The following MCC variants were observed in gnomAD, a reference collection of about 807,000 sequenced individuals.
MCC encodes colorectal mutant cancer protein.
In MCC, 90 loss-of-function variants were observed where a neutral mutation model predicts 116.2. The observed-to-expected ratio is 0.77, with a 90% CI of 0.65 to 0.92. The LOEUF (loss-of-function observed/expected upper bound fraction) is 0.92, where lower values mean the gene tolerates loss of function less well. MCC is among the 40% of genes least tolerant of loss of function. The probability of loss-of-function intolerance (pLI) is 0.00; values close to 1 mark genes in which losing one functional copy is unlikely to be tolerated. For missense variants in MCC, 1,516 were observed against 1,312.2 expected, an observed-to-expected ratio of 1.16 and a Z score of -2.40; for synonymous variants, 578 against 510.5, an observed-to-expected ratio of 1.13 and a Z score of -1.78.
At position 113,434,830 on chromosome 5, in the gene MCC, C is replaced by T. The variant is rs200485378; in HGVS notation, c.171-49618G>A. ...TAGCCTCGTCGCTTGAGGACAGCAG[C>T]GTCATCCATGGTGCCAGGAATGCCC... On this transcript the variant is annotated intron_variant, in intron 1 of 18. Coordinates refer to ENST00000408903, the MANE Select transcript of MCC (RefSeq NM_001085377.2). The surrounding 1 kb of genome is among the most constrained non-coding windows in gnomAD (Gnocchi z 4.2). 3.6e-4 allele frequency: 586 copies of T among 1,606,794 alleles called. No individual in the cohort carries two copies. Among genetic ancestry groups the T allele is most frequent in the Middle Eastern group, 5.1e-4 (3 of 5,902 alleles).
At chr5:113,131,918 C>T (rs906749992) in intron 5 of MCC, among the ~76,000 whole-genome samples, 1 of 152,128 alleles carries the variant, frequency 6.6e-6, no homozygotes, top group African/African-American at 2.4e-5. Flanking sequence ...TCTTTAGCTA[C>T]TCAGTGACCA....
intron 2 of MCC, among the ~76,000 whole-genome samples, chr5:113,342,111 T>C (rs891048682): frequency 1.3e-5 from 2 of 152,152 alleles, no homozygotes; most frequent in African/African-American, 4.8e-5. Flanking sequence ...CATTCCTGAG[T>C]TACTTCACTT....
intron 3 of MCC, among the ~76,000 whole-genome samples, chr5:113,220,310 C>G (rs1023084249): frequency 3.3e-5 from 5 of 151,832 alleles, no homozygotes; most frequent in Admixed American, 3.3e-4. Flanking sequence ...CCACCCACCT[C>G]GGCCTCCTAA....
In MCC at chr5:113,085,170, G is replaced by A. The variant is rs763704088; in HGVS notation, c.1539C>T (p.Ile513=). 8.7e-6 allele frequency: 14 copies of A among 1,614,058 alleles called. No individual in the cohort carries two copies. The highest frequency in any genetic ancestry group is 1.7e-5 in the Admixed American group (1 of 60,002). Residue 513 remains isoleucine, a synonymous_variant, in exon 9 of 19, where the codon ATC becomes ATT. Transcript: ENST00000408903. ...TCCATCCCCAGGAACTCACCTTGGC[G>A]ATGGGAATGTCATTGCTGCTGCTGC... ...STSSSSNDIP[I]AKIAERVKLS...
chr5:113,488,369 CGCT>C lies in MCC; in HGVS notation c.43_45del (p.Ser15del), dbSNP rs761993749. On this transcript the variant is annotated inframe_deletion, in exon 1 of 19. Coordinates refer to ENST00000408903, the MANE Select transcript of MCC (RefSeq NM_001085377.2). ...CTGCCGCTGCCGCCGCCGCCGCCGC[CGCT>C]GCTGGAGCTCCCCGCAGCCGCTGCC... 11 of 1,511,312 alleles carry C rather than the reference CGCT, an allele frequency of 7.3e-6. No individual in the cohort carries two copies. The South Asian group carries it at 7.6e-5, about 10-fold the overall frequency. 93.6% of individuals were successfully genotyped at this position (1,511,312 alleles called of 1,614,324 possible).
chr5:113,467,636 C>T (rs1771950682), intron 1 of MCC, among the ~76,000 whole-genome samples: 1 of 152,094 alleles, frequency 6.6e-6, no homozygotes, highest in South Asian at 2.1e-4. Flanking sequence ...CAGCTTTGTT[C>T]TTTTGGCTTA....
intron 5 of MCC, among the ~76,000 whole-genome samples, chr5:113,140,640 CAAT>C (rs1759122056): frequency 6.6e-6 from 1 of 152,130 alleles, no homozygotes. Flanking sequence ...TTTCCTTAAG[CAAT>C]TCAGGATAGC....
chr5:113,385,676 G>A (rs770895455), intron 1 of MCC, among the ~76,000 whole-genome samples: 1 of 152,192 alleles, frequency 6.6e-6, no homozygotes, highest in Non-Finnish European at 1.5e-5. Context: ...CAGCTTTCTG[G>A]ACCAATCAGC....
intron 3 of MCC, among the ~76,000 whole-genome samples, chr5:113,217,444 A>T (rs531559953): frequency 4.6e-5 from 7 of 152,266 alleles, no homozygotes; most frequent in Admixed American, 3.9e-4. Flanking sequence ...TACTGCAAAG[A>T]TATTATTTTC....
At chr5:113,264,135 T>C (rs992258690) in intron 3 of MCC, among the ~76,000 whole-genome samples, 1 of 152,198 alleles carries the variant, frequency 6.6e-6, no homozygotes, top group Admixed American at 6.5e-5. Context: ...GAGGTAAATA[T>C]CCACTAAAAA....
intron 3 of MCC, among the ~76,000 whole-genome samples, chr5:113,208,354 C>G (rs562282755): frequency 7.2e-5 from 11 of 152,230 alleles, no homozygotes; most frequent in African/African-American, 2.2e-4. Flanking sequence ...AAGACTGATT[C>G]CTTTCTACAG....
At chr5:113,374,743 C>T (rs970007666) in intron 2 of MCC, among the ~76,000 whole-genome samples, 1 of 152,062 alleles carries the variant, frequency 6.6e-6, no homozygotes, top group African/African-American at 2.4e-5. Flanking sequence ...TAAATCCCAG[C>T]ACTTTGGGAG....
intron 4 of MCC, among the ~76,000 whole-genome samples, chr5:113,146,878 A>G (rs1448410905): frequency 6.6e-6 from 1 of 152,120 alleles, no homozygotes; most frequent in East Asian, 1.9e-4. Flanking sequence ...CCCATATTCA[A>G]TTTTTGACTG....
At position 113,101,778 on chromosome 5, in the gene MCC, C is replaced by G. The variant is rs1756428292; in HGVS notation, c.1359G>C (p.Met453Ile). ...EEELNRTKAT[M>I]NAIREERDRL... ...GGTCCCGCTCTTCCCGGATGGCATT[C>G]ATGGTGGCCTTAGTCCGGTTCAGTT... Residue 453 changes from methionine (M) to isoleucine (I), a missense_variant, in exon 8 of 19, where the codon ATG (methionine) becomes ATC (isoleucine). Met to Ile is a conservative substitution (Grantham distance 10). Transcript: ENST00000408903. 2 of 1,613,444 alleles carry G rather than the reference C, an allele frequency of 1.2e-6. No individual in the cohort carries two copies. The highest frequency in any genetic ancestry group is 1.7e-6 in the Non-Finnish European group (2 of 1,180,038).
chr5:113,368,391 T>A (rs1286044895), intron 2 of MCC, among the ~76,000 whole-genome samples: 1 of 152,206 alleles, frequency 6.6e-6, no homozygotes, highest in Non-Finnish European at 1.5e-5. Flanking sequence ...TTTCATAGAC[T>A]ATTTTGTTGA....
At chr5:113,269,878 G>T (rs2150352495) in intron 3 of MCC, among the ~76,000 whole-genome samples, 1 of 152,270 alleles carries the variant, frequency 6.6e-6, no homozygotes, top group Non-Finnish European at 1.5e-5. Context: ...TAAGGCAACA[G>T]AGTACACTGA....
intron 6 of MCC, among the ~76,000 whole-genome samples, chr5:113,115,265 G>C (rs926854296): frequency 2.0e-5 from 3 of 152,314 alleles, no homozygotes; most frequent in East Asian, 3.9e-4. Flanking sequence ...GGCCTGAGAA[G>C]GGGTCAAGAA....
At chr5:113,308,501 G>C (rs1178313601) in intron 3 of MCC, among the ~76,000 whole-genome samples, 2 of 152,134 alleles carry the variant, frequency 1.3e-5, no homozygotes, top group African/African-American at 4.8e-5. Flanking sequence ...AAAACCTCCA[G>C]ACCTTTCCAC....
At chr5:113,277,864 C>A (rs1000825575) in intron 3 of MCC, among the ~76,000 whole-genome samples, 63 of 152,290 alleles carry the variant, frequency 4.1e-4, no homozygotes, top group African/African-American at 1.5e-3. Flanking sequence ...CAAAGATGCC[C>A]AAATCCTGAC....
Sources: gnomAD v4.1 joint callset for allele counts (sites outside exome capture counted in the v4.1 genomes callset) on GRCh38, gnomAD v4.1.1 for gene constraint, Gnocchi (gnomAD v3.1) non-coding constraint, MANE v1.5 for transcripts, NCBI Gene and HGNC (gene_info 2026-07-23, HGNC 2026-07-21) for gene names.